ZNF267: variants seen among roughly 807,000 people sequenced by gnomAD.
ZNF267 encodes the protein zinc finger protein 267.
In ZNF267, 61 loss-of-function variants were observed where a neutral mutation model predicts 71.6. That is an observed-to-expected ratio of 0.85 (90% confidence interval 0.69 to 1.05). The LOEUF (loss-of-function observed/expected upper bound fraction) is 1.05, where lower values mean the gene tolerates loss of function less well. Among genes scored for constraint, ZNF267 ranks in the 50% least tolerant of loss-of-function variants. The pLI, the probability that ZNF267 is intolerant of heterozygous loss-of-function variation, is 0.00. For synonymous variants in ZNF267, 288 were observed against 293.2 expected (o/e 0.98, Z 0.18); for missense variants, 852 against 870.0 (o/e 0.98, Z 0.26).
At chr16:31,897,808 A>G (rs556047624) in intron 3 of ZNF267, among the ~76,000 whole-genome samples, 1 of 152,108 alleles carries the variant, frequency 6.6e-6, no homozygotes, top group African/African-American at 2.4e-5. Context: ...ACTTAAAGCT[A>G]TTCTGTTGTA....
chr16:31,907,944 G>A (rs2084104630), intron 3 of ZNF267, among the ~76,000 whole-genome samples: 1 of 152,022 alleles, frequency 6.6e-6, no homozygotes, highest in Non-Finnish European at 1.5e-5. Context: ...TCAGGAGGCT[G>A]AGGCAGGAGA....
At chr16:31,887,132 A>T (rs2083929540) in intron 3 of ZNF267, among the ~76,000 whole-genome samples, 1 of 152,062 alleles carries the variant, frequency 6.6e-6, no homozygotes, top group Admixed American at 6.6e-5. Flanking sequence ...TTATGGTTTT[A>T]CTTGCATTTT....
At chr16:31,885,878 C>T (rs761097395) in intron 3 of ZNF267, among the ~76,000 whole-genome samples, 36 of 152,142 alleles carry the variant, frequency 2.4e-4, no homozygotes, top group Non-Finnish European at 3.7e-4. Context: ...GAAATTTAAA[C>T]TCTATAGGCA....
intron 1 of ZNF267, among the ~76,000 whole-genome samples, chr16:31,883,443 C>T (rs1305667790): frequency 1.3e-5 from 2 of 152,044 alleles, no homozygotes; most frequent in Admixed American, 1.3e-4. Context: ...AAGCATTATT[C>T]GATCACTATT....
intron 3 of ZNF267, among the ~76,000 whole-genome samples, chr16:31,895,815 G>T (rs1373181763): frequency 1.3e-5 from 2 of 151,880 alleles, no homozygotes; most frequent in Non-Finnish European, 2.9e-5. Context: ...TTTAAAATTC[G>T]GTTATATGTT....
rs955363898 is a variant in ZNF267 at position 31,916,131 on chromosome 16, G to A, written c.1882G>A (p.Gly628Ser). ...DVIQHRRIHT[G>S]QRPYKCEECG... ...TATTCAGCATCGGAGAATTCATACT[G>A]GCCAGAGACCCTACAAATGTGAAGA... The change falls in exon 4 of 4, where the codon GGC (glycine) becomes AGC (serine). Residue 628 changes from glycine (G) to serine (S), a missense_variant. Physicochemically the swap from Gly to Ser is moderately conservative, Grantham distance 56. Coordinates refer to ENST00000300870, the MANE Select transcript of ZNF267 (RefSeq NM_003414.6). The A allele has an allele frequency of 1.2e-6, 2 of 1,614,022 alleles. No individual in the cohort carries two copies. Among genetic ancestry groups the A allele is most frequent in the African/African-American group, 2.7e-5 (2 of 74,926 alleles).
At chr16:31,881,202 A>G (rs189097602) in intron 1 of ZNF267, among the ~76,000 whole-genome samples, 3 of 152,332 alleles carry the variant, frequency 2.0e-5, no homozygotes, top group Admixed American at 6.5e-5. Flanking sequence ...AGCTTAAACT[A>G]TTTAAACAAG....
At chr16:31,909,224 C>T (rs1236517) in intron 3 of ZNF267, among the ~76,000 whole-genome samples, 24 of 150,000 alleles carry the variant, frequency 1.6e-4, no homozygotes, top group Admixed American at 7.4e-4. Context: ...CTCCGCCTCC[C>T]GGGTTCAAGT....
chr16:31,915,455 C>T lies in ZNF267; in HGVS notation c.1206C>T (p.His402=), dbSNP rs144756755. 56 of 1,613,676 alleles carry T rather than the reference C, an allele frequency of 3.5e-5. No individual in the cohort carries two copies. Among genetic ancestry groups the T allele is most frequent in the Middle Eastern group, 1.6e-4 (1 of 6,078 alleles). ...ATCTTATTGTGCATCAGAGAATTCA[C>T]ACTGGAGAGAAACCATACAAATGTA... is the stretch of plus-strand genomic sequence containing the variant. ...SSNLIVHQRI[H]TGEKPYKCKE... The change falls in exon 4 of 4, where the codon CAC becomes CAT. Residue 402 remains histidine, a synonymous_variant. Coordinates refer to ENST00000300870, the MANE Select transcript of ZNF267 (RefSeq NM_003414.6).
intron 3 of ZNF267, among the ~76,000 whole-genome samples, chr16:31,889,817 C>T (rs2083947890): frequency 6.6e-6 from 1 of 152,084 alleles, no homozygotes; most frequent in Admixed American, 6.5e-5. Context: ...GGGATCTGCC[C>T]CTATTATTCA....
At chr16:31,901,503 G>C (rs2142350854) in intron 3 of ZNF267, among the ~76,000 whole-genome samples, 1 of 152,318 alleles carries the variant, frequency 6.6e-6, no homozygotes, top group East Asian at 1.9e-4. Context: ...ACTGGTGTGA[G>C]ATGGTATCTC....
In ZNF267 at chr16:31,916,470, G is replaced by C. The variant is rs1036272114; in HGVS notation, c.2221G>C (p.Glu741Gln). 2 of 1,605,446 alleles carry C rather than the reference G, an allele frequency of 1.2e-6. No homozygotes were observed. The highest frequency in any genetic ancestry group is 3.4e-5 in the Admixed American group (2 of 58,254). Residue 741 changes from glutamate to glutamine, a missense_variant, in exon 4 of 4, where the codon GAA becomes CAA. Glu to Gln is a conservative substitution (Grantham distance 29). Transcript: ENST00000300870. ...TGCACATCAGAGAAGTCATACTAGAGAAAAACTTTAAAAATGTAAAACATG... is the reference window on the plus strand; with the variant it reads ...TGCACATCAGAGAAGTCATACTAGACAAAAACTTTAAAAATGTAAAACATG... ...LIAHQRSHTR[E>Q]KL
At chr16:31,878,016 T>C (rs952452524) in intron 1 of ZNF267, among the ~76,000 whole-genome samples, 1 of 152,132 alleles carries the variant, frequency 6.6e-6, no homozygotes, top group Non-Finnish European at 1.5e-5. Context: ...CCCCAGGCAT[T>C]GTGACTGGCA....
chr16:31,899,911 A>G (rs2084025794), intron 3 of ZNF267, among the ~76,000 whole-genome samples: 1 of 152,176 alleles, frequency 6.6e-6, no homozygotes, highest in Admixed American at 6.5e-5. Context: ...GTAAATTGCA[A>G]TTAGGACTTC....
intron 3 of ZNF267, among the ~76,000 whole-genome samples, chr16:31,905,870 T>TA (rs2084085684): frequency 6.6e-6 from 1 of 152,226 alleles, no homozygotes; most frequent in Admixed American, 6.5e-5. Context: ...CTCTGATTTT[T>TA]AGAGTTTCCA....
Position 31,915,295 on chromosome 16 carries a change from C to T in ZNF267, c.1046C>T (p.Pro349Leu). 1 of 1,613,746 alleles carries T rather than the reference C, an allele frequency of 6.2e-7. No individual in the cohort carries two copies. Among genetic ancestry groups the T allele is most frequent in the Non-Finnish European group, 8.5e-7 (1 of 1,179,826 alleles). Residue 349 changes from proline to leucine, a missense_variant, in exon 4 of 4, where the codon CCC becomes CTC. Transcript: ENST00000300870. ...CAGATCATTCCTACCGAAGAGAAAC[C>T]CTGTAAATGGAAAGAATGTGGCAAG... ...QHQIIPTEEK[P>L]CKWKECGKVF...
At chr16:31,900,101 A>G (rs8044900) in intron 3 of ZNF267, among the ~76,000 whole-genome samples, 149,267 of 151,668 alleles carry the variant, frequency 0.98, 73,498 homozygotes, top group Middle Eastern at 1. Context: ...ATTTTGTGTC[A>G]TCTTTGTATC....
At chr16:31,885,282 G>A (rs367609564) in intron 3 of ZNF267, 26 bp downstream of exon 3, 1 of 1,593,332 alleles carries the variant, frequency 6.3e-7, no homozygotes, top group African/African-American at 1.3e-5. Context: ...TGAAGTAGAT[G>A]ACATGGGCGA....
intron 3 of ZNF267, chr16:31,894,935 C>G: frequency 2.8e-6 from 1 of 361,372 alleles, no homozygotes; most frequent in Admixed American, 3.4e-5. Context: ...TTTCTGGAAT[C>G]TCAGTGTGTT....
Sources: allele counts gnomAD v4.1 joint callset (sites outside exome capture counted in the v4.1 genomes callset), GRCh38; gene constraint gnomAD v4.1.1; transcripts MANE v1.5; gene names NCBI Gene and HGNC (gene_info 2026-07-23, HGNC 2026-07-21).